SLC13A5: variants seen among roughly 807,000 people sequenced by gnomAD.
SLC13A5 encodes Na(+)/citrate cotransporter.
SLC13A5 carries 25 observed loss-of-function variants against 56.5 expected under a neutral mutation model. The observed-to-expected ratio is 0.44, with a 90% CI of 0.32 to 0.62. SLC13A5 has a LOEUF of 0.62. Ranked by LOEUF, SLC13A5 falls within the 20% of genes least tolerant of loss-of-function variation. SLC13A5 has a pLI of 0.04. For missense variants in SLC13A5, 649 were observed against 737.8 expected (o/e 0.88, Z 1.39); for synonymous variants, 307 against 301.5 (o/e 1.02, Z -0.19).
rs1022127944 is a variant in SLC13A5, at chr17:6,690,900, G to A, written c.1316C>T (p.Pro439Leu). The A allele has an allele frequency of 2.5e-5, 40 of 1,613,518 alleles. No individual in the cohort carries two copies. Among genetic ancestry groups the A allele is most frequent in the Non-Finnish European group, 3.4e-5 (40 of 1,179,614 alleles). Residue 439 changes from proline to leucine, a missense_variant, in exon 10 of 12, where the codon CCC becomes CTC. By Grantham distance (98) the Pro-to-Leu change is moderately conservative. Transcript: ENST00000433363. The part of the protein sequence containing the change: ...LSVWMGKQME[P>L]LHAVPPAAIT... ...GGCTGCCGGGGGCACTGCGTGCAAGGGCTCCATCTGCTTCCCCATCCACAC... is the reference window on the plus strand; with the variant it reads ...GGCTGCCGGGGGCACTGCGTGCAAGAGCTCCATCTGCTTCCCCATCCACAC...
rs771551520 is a variant in SLC13A5 at position 6,686,223 on chromosome 17, G to A, written c.1691C>T (p.Thr564Ile). Reference protein sequence around the residue: ...LDHFPDWANVTHIET With the variant: ...LDHFPDWANVIHIET ...TGGCTCTTCCTAAGTCTCAATATGT[G>A]TCACATTAGCCCAGTCAGGGAAATG... Residue 564 changes from threonine to isoleucine, a missense_variant, in exon 12 of 12, where the codon ACA becomes ATA. Coordinates refer to ENST00000433363, the MANE Select transcript of SLC13A5 (RefSeq NM_177550.5). The A allele has an allele frequency of 3.1e-6, 5 of 1,614,054 alleles. No individual in the cohort carries two copies. The highest frequency in any genetic ancestry group is 1.3e-5 in the African/African-American group (1 of 74,902).
chr17:6,690,631 G>A, intron 10 of SLC13A5, 148 bp downstream of exon 10: 1 of 1,097,208 alleles, frequency 9.1e-7, no homozygotes, highest in Non-Finnish European at 1.4e-6. Context: ...AGGCATCCAG[G>A]GTCCACAAAT....
At chr17:6,700,141 G>T (rs1385444301) in intron 6 of SLC13A5, among the ~76,000 whole-genome samples, 2 of 152,088 alleles carry the variant, frequency 1.3e-5, no homozygotes, top group Non-Finnish European at 2.9e-5. Flanking sequence ...TTTCTATCCT[G>T]GTGTGGCCTG....
In SLC13A5 at chr17:6,711,530, T is replaced by G. The variant is rs989519501; in HGVS notation, c.102+1702A>C. 3.4e-5 allele frequency among the ~76,000 whole-genome samples: 5 copies of G among 146,456 alleles called. No homozygotes were observed. Among genetic ancestry groups the G allele is most frequent in the South Asian group, 2.2e-4 (1 of 4,484 alleles). On this transcript the variant is annotated intron_variant, in intron 1 of 11. Transcript: ENST00000433363. The surrounding 1 kb of genome is among the most constrained non-coding windows in gnomAD (Gnocchi z 4.0). ...TGTATGTGTATGTGTGTGTTTGTGT[T>G]TTTTGTGTGTTTTGTGTGTGTGTTT...
intron 2 of SLC13A5, 63 bp downstream of exon 2, chr17:6,706,965 G>A: frequency 6.2e-7 from 1 of 1,604,304 alleles, no homozygotes; most frequent in Non-Finnish European, 8.5e-7. Flanking sequence ...ACTCACAGTG[G>A]GGACTAGAGA....
Position 6,703,430 on chromosome 17 carries a change from G to A in SLC13A5, c.548-292C>T, listed in dbSNP as rs73976252. ...CAGACGGCAAGGTAGATGCTGACTC[G>A]TCTTCCCTGAGCTTCGCACCTAGCA... On this transcript the variant is annotated intron_variant, in intron 4 of 11. Transcript: ENST00000433363. Among the ~76,000 whole-genome samples the A allele has an allele frequency of 0.059, 8,974 of 152,274 alleles. 546 individuals carry two copies. The highest frequency in any genetic ancestry group is 0.16 in the African/African-American group (6,645 of 41,538).
At chr17:6,694,902 T>C (rs1388518537) in intron 7 of SLC13A5, among the ~76,000 whole-genome samples, 1 of 152,210 alleles carries the variant, frequency 6.6e-6, no homozygotes, top group East Asian at 1.9e-4. Context: ...TTTTCTAGGA[T>C]GTACATGTTT....
Position 6,686,293 on chromosome 17 carries a change from A to G in SLC13A5, c.1621T>C (p.Phe541Leu), listed in dbSNP as rs557598680. 6.2e-7 allele frequency: 1 copy of G among 1,614,150 alleles called. No individual in the cohort carries two copies. The highest frequency in any genetic ancestry group is 2.2e-5 in the East Asian group (1 of 44,874). ...IMNIIGVFCV[F>L]LAVNTWGRAI... ...CGTCCCCAGGTGTTGACAGCCAAAA[A>G]CACACAGAAGACTCCAATTATGTTC... Residue 541 changes from phenylalanine (F) to leucine (L), a missense_variant, in exon 12 of 12, where the codon TTT becomes CTT. Phe to Leu is a conservative substitution (Grantham distance 22). Transcript: ENST00000433363.
Position 6,713,281 on chromosome 17 carries a change from A to G in SLC13A5, c.53T>C (p.Phe18Ser). The G allele has an allele frequency of 1.2e-6, 2 of 1,614,022 alleles. 1 individual carries two copies. The highest frequency in any genetic ancestry group is 2.7e-5 in the African/African-American group (2 of 75,048). ...TGGCAGCAGCAGGAGCGGGGTGACGAACAAGATCACGAAGGACTTGAACTT... is the reference window on the plus strand; with the variant it reads ...TGGCAGCAGCAGGAGCGGGGTGACGGACAAGATCACGAAGGACTTGAACTT... ...VSKFKSFVIL[F>S]VTPLLLLPLV... Residue 18 changes from phenylalanine to serine, a missense_variant, in exon 1 of 12, where the codon TTC (phenylalanine) becomes TCC (serine). Physicochemically the swap from Phe to Ser is radical, Grantham distance 155. Coordinates refer to ENST00000433363, the MANE Select transcript of SLC13A5 (RefSeq NM_177550.5). The surrounding 1 kb of genome is among the most constrained non-coding windows in gnomAD (Gnocchi z 7.3).
chr17:6,699,091 A>AT (rs1973641224), intron 6 of SLC13A5, among the ~76,000 whole-genome samples: 1 of 149,298 alleles, frequency 6.7e-6, no homozygotes, highest in African/African-American at 2.5e-5. Flanking sequence ...AAATAAATAA[A>AT]ATAAAATAAA....
rs1031137201 is a variant in SLC13A5 at position 6,685,970 on chromosome 17, G to T, written c.*237C>A. The T allele has an allele frequency of 1.8e-6, 1 of 551,594 alleles. No individual in the cohort carries two copies. 34.2% of individuals were successfully genotyped at this position (551,594 alleles called of 1,614,324 possible). ...GATAATGGCAAGGCTTGGGAAAGAT[G>T]GGTCCAGCAGCCCACTGAGGGGTTC... On this transcript the variant is annotated 3_prime_UTR_variant, in exon 12 of 12. Coordinates refer to ENST00000433363, the MANE Select transcript of SLC13A5 (RefSeq NM_177550.5). The surrounding 1 kb of genome is among the most constrained non-coding windows in gnomAD (Gnocchi z 4.2).
At chr17:6,706,813 C>T (rs1467705436) in intron 2 of SLC13A5, 35 bp from the exon 3 acceptor site, 6 of 1,610,840 alleles carry the variant, frequency 3.7e-6, no homozygotes, top group Non-Finnish European at 5.1e-6. Context: ...TCAGGACTGT[C>T]CCTTGCCACA....
intron 6 of SLC13A5, among the ~76,000 whole-genome samples, chr17:6,698,593 G>T (rs144366504): frequency 1.3e-5 from 2 of 152,216 alleles, no homozygotes; most frequent in South Asian, 4.1e-4. Flanking sequence ...GAGCCAAAGG[G>T]CCTGGGTTCA....
Position 6,701,155 on chromosome 17 carries a change from G to A in SLC13A5, c.717-29C>T, listed in dbSNP as rs1973702802. 6.2e-7 allele frequency: 1 copy of A among 1,612,258 alleles called. No homozygotes were observed. Among genetic ancestry groups the A allele is most frequent in the African/African-American group, 1.3e-5 (1 of 74,998 alleles). ...CAAGAAGACACCGGCCCCCACCTCAGATGCTGAGCTGTGGGAGCCAGCCTG... is the reference window on the plus strand; with the variant it reads ...CAAGAAGACACCGGCCCCCACCTCAAATGCTGAGCTGTGGGAGCCAGCCTG... On this transcript the variant is annotated intron_variant, in intron 5 of 11. Coordinates refer to ENST00000433363, the MANE Select transcript of SLC13A5 (RefSeq NM_177550.5). The surrounding 1 kb of genome is among the most constrained non-coding windows in gnomAD (Gnocchi z 4.1).
At position 6,713,277 on chromosome 17, in the gene SLC13A5, G is replaced by A. The variant is rs1974090578; in HGVS notation, c.57C>T (p.Val19=). ...SKFKSFVILF[V]TPLLLLPLVI... is the part of the protein sequence containing the mutation. Reference sequence around the variant, plus strand: ...CGAGTGGCAGCAGCAGGAGCGGGGTGACGAACAAGATCACGAAGGACTTGA... The same window carrying A: ...CGAGTGGCAGCAGCAGGAGCGGGGTAACGAACAAGATCACGAAGGACTTGA... The change falls in exon 1 of 12, where the codon GTC becomes GTT. Residue 19 remains valine, a synonymous_variant. Coordinates refer to ENST00000433363, the MANE Select transcript of SLC13A5 (RefSeq NM_177550.5). This position sits in a 1 kb window ranked among gnomAD's most constrained non-coding sequence, Gnocchi z 7.3. 1.2e-6 allele frequency: 2 copies of A among 1,614,032 alleles called. No homozygotes were observed. The highest frequency in any genetic ancestry group is 1.7e-6 in the Non-Finnish European group (2 of 1,179,954).
chr17:6,706,945 G>A lies in SLC13A5; in HGVS notation c.231+83C>T, dbSNP rs201648898. 8 of 1,590,942 alleles carry A rather than the reference G, an allele frequency of 5.0e-6. No individual in the cohort carries two copies. The South Asian group carries it at 8.1e-5, about 16-fold the overall frequency. The stretch of plus-strand genomic sequence containing the variant: ...AATGAGGGTTTTCCGGTCACCCCCA[G>A]GCCTGTGCGACTCACAGTGGGGACT... On this transcript the variant is annotated intron_variant, in intron 2 of 11. Transcript: ENST00000433363.
intron 1 of SLC13A5, among the ~76,000 whole-genome samples, chr17:6,708,354 A>G (rs1272802087): frequency 2.0e-5 from 3 of 152,178 alleles, no homozygotes; most frequent in Admixed American, 6.5e-5. Flanking sequence ...AGCCATTAGC[A>G]TATGGAGTTG....
At chr17:6,693,961 GT>G (rs536620469) in intron 8 of SLC13A5, 135 bp downstream of exon 8, 11 of 453,288 alleles carry the variant, frequency 2.4e-5, no homozygotes, top group African/African-American at 1.8e-4. Context: ...GAAAGCCACT[GT>G]TTCCCAGGCT....
chr17:6,690,096 C>CAAAAAA, intron 10 of SLC13A5: 1 of 72,178 alleles, frequency 1.4e-5, no homozygotes, highest in Non-Finnish European at 2.8e-5. Context: ...AAAAAAAAAA[C>CAAAAAA]CATAGCCACT....
Sources: allele counts gnomAD v4.1 joint callset (sites outside exome capture counted in the v4.1 genomes callset), GRCh38; gene constraint gnomAD v4.1.1; non-coding constraint Gnocchi (gnomAD v3.1); transcripts MANE v1.5; gene names NCBI Gene and HGNC (gene_info 2026-07-23, HGNC 2026-07-21).